The following SLCO2A1 variants were observed in gnomAD, a reference collection of about 807,000 sequenced individuals.
SLCO2A1 encodes the protein matrin F/G 1.
A neutral mutation model predicts 71.7 loss-of-function variants in SLCO2A1; 60 were observed. The ratio of observed to expected loss-of-function variants is 0.84; its 90% CI spans 0.68 to 1.04. The LOEUF is 1.04. Among genes scored for constraint, SLCO2A1 ranks in the 50% least tolerant of loss-of-function variants. SLCO2A1 has a pLI of 0.00. For synonymous variants in SLCO2A1, 308 were observed against 326.7 expected (o/e 0.94, Z 0.62); for missense variants, 745 against 813.4 (o/e 0.92, Z 1.02).
At chr3:134,028,707 CCT>C (rs1403364831) in intron 1 of SLCO2A1, among the ~76,000 whole-genome samples, 2 of 152,182 alleles carry the variant, frequency 1.3e-5, no homozygotes, top group African/African-American at 4.8e-5. Context: ...TGGGAAACAA[CCT>C]CTCTACACCA....
chr3:133,973,195 T>C (rs1934369821), intron 3 of SLCO2A1, among the ~76,000 whole-genome samples: 1 of 152,186 alleles, frequency 6.6e-6, no homozygotes, highest in Non-Finnish European at 1.5e-5. Context: ...ATAAGGGTAA[T>C]AGTGAGCATC....
intron 4 of SLCO2A1, 151 bp from the exon 5 acceptor site, chr3:133,953,912 C>T: frequency 1.5e-6 from 1 of 649,400 alleles, no homozygotes. Context: ...ACCAGCAAGG[C>T]CAGAACCACT....
rs575691802 is a variant in SLCO2A1, at chr3:133,955,053, C to A, written c.538G>T (p.Ala180Ser). 3 of 1,614,176 alleles carry A rather than the reference C, an allele frequency of 1.9e-6. No individual in the cohort carries two copies. The highest frequency in any genetic ancestry group is 4.5e-5 in the East Asian group (2 of 44,880). Residue 180 changes from alanine to serine, a missense_variant, in exon 4 of 14, where the codon GCT becomes TCT. By Grantham distance (99) the Ala-to-Ser change is moderately conservative. Coordinates refer to ENST00000310926, the MANE Select transcript of SLCO2A1 (RefSeq NM_005630.3). Reference protein sequence around the residue: ...WGLMVVAQLLAGIGTVPIQPF... With the variant: ...WGLMVVAQLLSGIGTVPIQPF... ...TGAATAGGCACTGTCCCGATGCCAG[C>A]CAGCAGCTGGGCAACCACCATCAGG...
intron 3 of SLCO2A1, among the ~76,000 whole-genome samples, chr3:133,966,502 C>T (rs2108051412): frequency 6.6e-6 from 1 of 152,314 alleles, no homozygotes; most frequent in East Asian, 1.9e-4. Context: ...AAGAAGAGGC[C>T]AGGAAGGAGC....
intron 1 of SLCO2A1, among the ~76,000 whole-genome samples, chr3:134,001,157 T>G (rs1935096235): frequency 6.6e-6 from 1 of 151,912 alleles, no homozygotes; most frequent in African/African-American, 2.4e-5. Context: ...TCACTCTGTC[T>G]TCCAGGCTGG....
At chr3:134,010,596 A>G (rs1559957116) in intron 1 of SLCO2A1, among the ~76,000 whole-genome samples, 1 of 152,052 alleles carries the variant, frequency 6.6e-6, no homozygotes, top group Non-Finnish European at 1.5e-5. Context: ...TACTAAAAAA[A>G]CGCAAAAATT....
At chr3:133,981,441 C>T (rs1459826743) in intron 1 of SLCO2A1, among the ~76,000 whole-genome samples, 1 of 152,168 alleles carries the variant, frequency 6.6e-6, no homozygotes, top group Non-Finnish European at 1.5e-5. Flanking sequence ...GTCAATGGTT[C>T]ATAACTCAGC....
At chr3:133,972,944 A>C (rs928846455) in intron 3 of SLCO2A1, among the ~76,000 whole-genome samples, 2 of 152,264 alleles carry the variant, frequency 1.3e-5, no homozygotes, top group African/African-American at 2.4e-5. Flanking sequence ...AGAAACCAGT[A>C]AACTTGTGAG....
chr3:133,962,606 G>A (rs1273318741), intron 3 of SLCO2A1, among the ~76,000 whole-genome samples: 1 of 152,136 alleles, frequency 6.6e-6, no homozygotes, highest in Non-Finnish European at 1.5e-5. Flanking sequence ...GAGTCTCTTT[G>A]CACCACTCCA....
intron 7 of SLCO2A1, 66 bp downstream of exon 7, chr3:133,948,827 G>T (rs1415941756): frequency 1.9e-6 from 3 of 1,593,272 alleles, no homozygotes; most frequent in East Asian, 4.5e-5. Context: ...AGGGGCTGGG[G>T]TCCCCCTGGC....
intron 1 of SLCO2A1, among the ~76,000 whole-genome samples, chr3:133,991,968 A>G (rs1934856903): frequency 6.6e-6 from 1 of 152,230 alleles, no homozygotes. Context: ...GGAAACCACA[A>G]CAGGCACAGA....
chr3:133,975,758 G>A (rs896469839), intron 2 of SLCO2A1, among the ~76,000 whole-genome samples: 12 of 151,978 alleles, frequency 7.9e-5, no homozygotes, highest in African/African-American at 1.7e-4. Flanking sequence ...CTGACTTTAC[G>A]TCCTCAGGAC....
chr3:133,936,192 C>G (rs1165537783), intron 12 of SLCO2A1, among the ~76,000 whole-genome samples: 1 of 152,172 alleles, frequency 6.6e-6, no homozygotes, highest in Non-Finnish European at 1.5e-5. Flanking sequence ...CTGAGATCAG[C>G]TCAGAGTGGA....
intron 1 of SLCO2A1, among the ~76,000 whole-genome samples, chr3:134,010,781 C>T (rs925538131): frequency 2.0e-5 from 3 of 149,434 alleles, no homozygotes; most frequent in Non-Finnish European, 3.0e-5. Flanking sequence ...AGCACCAGAT[C>T]TCCTGAGAAC....
rs1933837081 is a variant in SLCO2A1 at position 133,954,673 on chromosome 3, T to C, written c.625+293A>G. ...CAGTGCCCAACACCAGCTAAGTGGT[T>C]ACATATGCCATCTCATGTATCCCAC... On this transcript the variant is annotated intron_variant, in intron 4 of 13. Coordinates refer to ENST00000310926, the MANE Select transcript of SLCO2A1 (RefSeq NM_005630.3). 2.0e-5 allele frequency among the ~76,000 whole-genome samples: 3 copies of C among 152,144 alleles called. No individual in the cohort carries two copies. In the South Asian group the frequency reaches 6.2e-4, roughly 32 times the overall value.
At position 133,935,169 on chromosome 3, in the gene SLCO2A1, C is replaced by A. The variant is rs151118004; in HGVS notation, c.1815-339G>T. On this transcript the variant is annotated intron_variant, in intron 13 of 13. Transcript: ENST00000310926. ...AGGAGAGAGGCATCTTCTCACTGCCCTCTTGGCCTGTCCCTTTTGTGGTCT... is the reference window on the plus strand; with the variant it reads ...AGGAGAGAGGCATCTTCTCACTGCCATCTTGGCCTGTCCCTTTTGTGGTCT... Among the ~76,000 whole-genome samples, 849 of 152,334 alleles carry A rather than the reference C, an allele frequency of 5.6e-3. 7 individuals are homozygous for A. The highest frequency in any genetic ancestry group is 0.02 in the African/African-American group (812 of 41,582).
intron 1 of SLCO2A1, among the ~76,000 whole-genome samples, chr3:133,993,231 G>A (rs1332088499): frequency 2.0e-5 from 3 of 152,144 alleles, no homozygotes; most frequent in South Asian, 2.1e-4. Context: ...GTGCCGAAGC[G>A]ACCAGCTAGG....
chr3:133,950,466 A>G (rs1434502585), intron 6 of SLCO2A1, among the ~76,000 whole-genome samples: 1 of 151,940 alleles, frequency 6.6e-6, no homozygotes, highest in African/African-American at 2.4e-5. Context: ...GCTCTCCGAC[A>G]ACCATTGCTG....
At chr3:133,934,991 A>G (rs1933233455) in intron 13 of SLCO2A1, among the ~76,000 whole-genome samples, 161 bp from the exon 14 acceptor site, 1 of 152,184 alleles carries the variant, frequency 6.6e-6, no homozygotes, top group Admixed American at 6.5e-5. Context: ...TTGACCCAAA[A>G]GGGAACAAAG....
Sources: allele counts gnomAD v4.1 joint callset (sites outside exome capture counted in the v4.1 genomes callset), GRCh38; gene constraint gnomAD v4.1.1; transcripts MANE v1.5; gene names NCBI Gene and HGNC (gene_info 2026-07-23, HGNC 2026-07-21).